ANO4: variants seen among roughly 807,000 people sequenced by gnomAD.
ANO4 encodes the protein anoctamin 4.
A neutral mutation model predicts 141.9 loss-of-function variants in ANO4; 69 were observed. That is an observed-to-expected ratio of 0.49 (90% CI 0.40 to 0.59). ANO4 has a LOEUF of 0.59. Ranked by LOEUF, ANO4 falls within the 20% of genes least tolerant of loss-of-function variation. The probability of loss-of-function intolerance (pLI) is 0.00; values close to 1 mark genes in which losing one functional copy is unlikely to be tolerated. For synonymous variants in ANO4, 350 were observed against 394.3 expected (o/e 0.89, Z 1.33); for missense variants, 894 against 1,162.2 (o/e 0.77, Z 3.36).
intron 3 of ANO4, among the ~76,000 whole-genome samples, chr12:100,744,889 A>G (rs1565850367): frequency 1.3e-5 from 2 of 151,398 alleles, no homozygotes; most frequent in South Asian, 2.1e-4. Flanking sequence ...AGCTTTCCCA[A>G]TTCATCTCTC....
intron 14 of ANO4, among the ~76,000 whole-genome samples, chr12:101,073,724 A>G (rs1479069509): frequency 2.6e-5 from 4 of 152,012 alleles, no homozygotes; most frequent in Admixed American, 2.6e-4. Flanking sequence ...GTATCTGAAC[A>G]CTAACCTGCC....
At chr12:101,024,641 G>C (rs2046662130) in intron 9 of ANO4, among the ~76,000 whole-genome samples, 1 of 151,882 alleles carries the variant, frequency 6.6e-6, no homozygotes, top group African/African-American at 2.4e-5. Context: ...AGGTCCTTAT[G>C]AATCCTATTT....
intron 1 of ANO4, among the ~76,000 whole-genome samples, chr12:100,893,031 A>G (rs1453395256): frequency 6.6e-6 from 1 of 152,156 alleles, no homozygotes; most frequent in East Asian, 1.9e-4. Context: ...AGACAATCAC[A>G]GTGCAGTTGG....
intron 26 of ANO4, among the ~76,000 whole-genome samples, chr12:101,122,997 G>A (rs888192486): frequency 6.6e-6 from 1 of 152,138 alleles, no homozygotes; most frequent in African/African-American, 2.4e-5. Flanking sequence ...CAGGGTTTAA[G>A]AAAATTGCTG....
intron 8 of ANO4, among the ~76,000 whole-genome samples, chr12:100,988,877 A>AAAAAAAAC (rs2044889898): frequency 7.6e-6 from 1 of 131,892 alleles, no homozygotes; most frequent in Admixed American, 7.5e-5. Flanking sequence ...TCTCAGAAAA[A>AAAAAAAAC]AAAAAAAAAA....
In ANO4 at chr12:101,011,965, A is replaced by G. The variant is rs61944900; in HGVS notation, c.735-8069A>G. On this transcript the variant is annotated intron_variant, in intron 8 of 27. Coordinates refer to ENST00000392977, the MANE Select transcript of ANO4 (RefSeq NM_001286615.2). The stretch of plus-strand genomic sequence containing the variant: ...TACTTGTTTGTTTGACCCACCTCAG[A>G]AATTTCATAATATATGTAAAAAAAA... Among the ~76,000 whole-genome samples, 1,351 of 151,872 alleles carry G rather than the reference A, an allele frequency of 8.9e-3. 9 individuals carry two copies. Among genetic ancestry groups the G allele is most frequent in the South Asian group, 0.023 (109 of 4,808 alleles).
chr12:101,057,009 C>T (rs947524899), intron 14 of ANO4, among the ~76,000 whole-genome samples: 1 of 151,278 alleles, frequency 6.6e-6, no homozygotes, highest in Non-Finnish European at 1.5e-5. Context: ...CCCCGATCCC[C>T]CTATCCCCCA....
intron 2 of ANO4, among the ~76,000 whole-genome samples, chr12:100,737,423 A>G (rs1201102554): frequency 6.6e-6 from 1 of 152,174 alleles, no homozygotes; most frequent in Non-Finnish European, 1.5e-5. Context: ...CTATCTCACT[A>G]GGCAGGTCTG....
At chr12:100,958,375 T>C (rs1014264693) in intron 5 of ANO4, among the ~76,000 whole-genome samples, 1 of 152,184 alleles carries the variant, frequency 6.6e-6, no homozygotes, top group Non-Finnish European at 1.5e-5. Context: ...CTTTCATTGA[T>C]TCAATTTTAA....
chr12:100,861,328 C>A (rs932382857), intron 1 of ANO4, among the ~76,000 whole-genome samples: 9 of 152,234 alleles, frequency 5.9e-5, no homozygotes, highest in African/African-American at 1.7e-4. Flanking sequence ...CTACTATGCA[C>A]CTTGGGTATG....
chr12:101,078,602 G>A (rs1399033881), intron 14 of ANO4, among the ~76,000 whole-genome samples: 1 of 152,096 alleles, frequency 6.6e-6, no homozygotes, highest in African/African-American at 2.4e-5. Flanking sequence ...TACCCTCATT[G>A]TGGCAACAAA....
chr12:100,980,348 G>A (rs1374345502), intron 7 of ANO4, among the ~76,000 whole-genome samples: 1 of 152,194 alleles, frequency 6.6e-6, no homozygotes, highest in African/African-American at 2.4e-5. Flanking sequence ...GTCAGAAAAT[G>A]TTGCATCTAC....
Position 100,757,473 on chromosome 12 carries a change from A to T in ANO4, c.358+17368A>T, listed in dbSNP as rs190783439. Among the ~76,000 whole-genome samples, 67 of 152,214 alleles carry T rather than the reference A, an allele frequency of 4.4e-4. 1 individual carries two copies. The highest frequency in any genetic ancestry group is 3.4e-3 in the Admixed American group (52 of 15,290). Reference sequence around the variant, plus strand: ...CCTCTGCCCAATATTATCTTCGATTACTCCTACATACTCTTCTTTTTCTCT... The same window carrying T: ...CCTCTGCCCAATATTATCTTCGATTTCTCCTACATACTCTTCTTTTTCTCT... On this transcript the variant is annotated intron_variant, in intron 3 of 29. Coordinates refer to the ANO4 transcript ENST00000644049.
At chr12:100,862,996 G>A (rs1167723219) in intron 1 of ANO4, among the ~76,000 whole-genome samples, 1 of 152,180 alleles carries the variant, frequency 6.6e-6, no homozygotes, top group African/African-American at 2.4e-5. Context: ...AAGCCTAACT[G>A]ATAAGGTGTT....
upstream of ANO4, among the ~76,000 whole-genome samples, chr12:100,790,669 G>C (rs867373091): frequency 4.0e-5 from 6 of 151,718 alleles, no homozygotes; most frequent in Non-Finnish European, 8.8e-5. Flanking sequence ...AAAAATTATA[G>C]GTCTGTGATC....
chr12:100,898,512 C>G (rs188206409), intron 1 of ANO4, among the ~76,000 whole-genome samples: 1 of 152,194 alleles, frequency 6.6e-6, no homozygotes, highest in Admixed American at 6.5e-5. Flanking sequence ...TGTAACATAC[C>G]CACTTTCCTC....
intron 7 of ANO4, among the ~76,000 whole-genome samples, chr12:100,980,191 A>G (rs1158724982): frequency 2.0e-5 from 3 of 152,210 alleles, no homozygotes; most frequent in Non-Finnish European, 2.9e-5. Flanking sequence ...AAGCTAAAGG[A>G]AAAAGAAATC....
intron 3 of ANO4, among the ~76,000 whole-genome samples, chr12:100,756,637 T>C (rs147495371): frequency 9.9e-5 from 15 of 152,260 alleles, no homozygotes; most frequent in African/African-American, 3.6e-4. Context: ...CATGAGCCAC[T>C]GCGCCCGGCC....
chr12:100,769,872 A>G (rs1424957051), intron 3 of ANO4, among the ~76,000 whole-genome samples: 1 of 152,212 alleles, frequency 6.6e-6, no homozygotes, highest in Non-Finnish European at 1.5e-5. Flanking sequence ...TGCTTAACAC[A>G]TATTTCCAGT....
Sources: allele counts gnomAD v4.1 joint callset (sites outside exome capture counted in the v4.1 genomes callset), GRCh38; gene constraint gnomAD v4.1.1; transcripts MANE v1.5; gene names NCBI Gene and HGNC (gene_info 2026-07-23, HGNC 2026-07-21).